The following RBFOX2 variants were observed in gnomAD, a reference collection of about 807,000 sequenced individuals.
RBFOX2 encodes RNA binding fox-1 homolog 2.
A neutral mutation model predicts 49.1 loss-of-function variants in RBFOX2; 10 were observed. That is an observed-to-expected ratio of 0.20 (90% CI 0.13 to 0.35). The LOEUF (loss-of-function observed/expected upper bound fraction) is 0.35. RBFOX2 is among the 10% of genes least tolerant of loss of function. RBFOX2 has a pLI of 1.00. For synonymous variants in RBFOX2, 183 were observed against 187.4 expected (o/e 0.98, Z 0.19); for missense variants, 323 against 486.9 (o/e 0.66, Z 3.17).
At chr22:35,839,075 A>T (rs1958228781) in intron 1 of RBFOX2, among the ~76,000 whole-genome samples, 1 of 152,214 alleles carries the variant, frequency 6.6e-6, no homozygotes, top group Admixed American at 6.5e-5. Flanking sequence ...TTAAAAGGAA[A>T]GCACTGTCCA....
chr22:35,877,953 C>T (rs1414594157), intron 1 of RBFOX2, among the ~76,000 whole-genome samples: 1 of 151,742 alleles, frequency 6.6e-6, no homozygotes, highest in Non-Finnish European at 1.5e-5. Context: ...GCAGCGAATA[C>T]ACCAGACAAA....
chr22:35,855,308 A>G (rs568944152), intron 1 of RBFOX2, among the ~76,000 whole-genome samples: 2 of 152,316 alleles, frequency 1.3e-5, no homozygotes, highest in South Asian at 4.1e-4. Context: ...CTTTTATAGT[A>G]TTAAAGTTCA....
At chr22:35,983,136 C>T (rs1197209025) in intron 1 of RBFOX2, among the ~76,000 whole-genome samples, 1 of 152,164 alleles carries the variant, frequency 6.6e-6, no homozygotes, top group Non-Finnish European at 1.5e-5. Flanking sequence ...TAGACTTCAC[C>T]TGGGTGATGA....
At chr22:35,820,258 A>G (rs1954167572) in intron 1 of RBFOX2, among the ~76,000 whole-genome samples, 1 of 152,170 alleles carries the variant, frequency 6.6e-6, no homozygotes. Flanking sequence ...AAAGGCAGGG[A>G]GCCCTGTTGG....
chr22:35,912,108 A>G (rs1404871103), intron 1 of RBFOX2, among the ~76,000 whole-genome samples: 1 of 152,238 alleles, frequency 6.6e-6, no homozygotes, highest in Non-Finnish European at 1.5e-5. Context: ...TGACTGGCAT[A>G]TAACAGGCAC....
intron 1 of RBFOX2, among the ~76,000 whole-genome samples, chr22:35,865,569 T>TA (rs1430979952): frequency 6.6e-6 from 1 of 151,814 alleles, no homozygotes; most frequent in Non-Finnish European, 1.5e-5. Context: ...TTATTATTAT[T>TA]TTTTTTTGAT....
intron 2 of RBFOX2, among the ~76,000 whole-genome samples, chr22:35,783,273 G>A (rs1945599981): frequency 1.3e-5 from 2 of 152,078 alleles, no homozygotes; most frequent in Admixed American, 6.5e-5. Flanking sequence ...TAAGCCAGTC[G>A]GAGCACCTGG....
chr22:35,926,733 T>G (rs2051686341), intron 1 of RBFOX2, among the ~76,000 whole-genome samples: 3 of 152,074 alleles, frequency 2.0e-5, no homozygotes, highest in Admixed American at 2.0e-4. Flanking sequence ...TATCCACAGA[T>G]CCACAGTAGC....
intron 1 of RBFOX2, among the ~76,000 whole-genome samples, chr22:35,931,674 C>T (rs770072432): frequency 3.3e-5 from 5 of 152,146 alleles, no homozygotes; most frequent in Non-Finnish European, 7.3e-5. Context: ...ACTCAGGAGG[C>T]TGAGGTAGGA....
intron 1 of RBFOX2, among the ~76,000 whole-genome samples, chr22:36,018,399 T>C (rs1284064540): frequency 1.3e-5 from 2 of 151,872 alleles, no homozygotes; most frequent in Non-Finnish European, 2.9e-5. Flanking sequence ...GAACTTTGGG[T>C]AGAAGGGAAA....
At chr22:35,987,401 T>C (rs1309071862) in intron 1 of RBFOX2, among the ~76,000 whole-genome samples, 1 of 152,202 alleles carries the variant, frequency 6.6e-6, no homozygotes, top group Non-Finnish European at 1.5e-5. Context: ...CAAATGCACT[T>C]AGCATGAGCT....
chr22:35,881,220 G>A (rs1408839431), intron 1 of RBFOX2, among the ~76,000 whole-genome samples: 2 of 151,926 alleles, frequency 1.3e-5, no homozygotes, highest in Non-Finnish European at 2.9e-5. Flanking sequence ...GCCGACGATC[G>A]CGCCACTGCA....
chr22:35,876,227 AT>A (rs910831856), intron 1 of RBFOX2, among the ~76,000 whole-genome samples: 25 of 152,164 alleles, frequency 1.6e-4, no homozygotes, highest in Middle Eastern at 6.8e-3. Flanking sequence ...CATTTTTAAA[AT>A]TTTTTTATTT....
At chr22:35,917,674 G>T (rs1333545851) in intron 1 of RBFOX2, among the ~76,000 whole-genome samples, 1 of 152,036 alleles carries the variant, frequency 6.6e-6, no homozygotes, top group East Asian at 1.9e-4. Context: ...TGCACGGGAG[G>T]CTGGGAGAAG....
intron 1 of RBFOX2, among the ~76,000 whole-genome samples, chr22:35,874,649 C>A (rs1050773881): frequency 1.2e-4 from 19 of 152,282 alleles, no homozygotes; most frequent in African/African-American, 4.3e-4. Context: ...ATGGGTTCAA[C>A]ATCTCTGTTT....
Position 35,868,514 on chromosome 22 carries a change from C to T in RBFOX2, c.-33-58510G>A, listed in dbSNP as rs1370996728. 2.6e-5 allele frequency among the ~76,000 whole-genome samples: 4 copies of T among 152,064 alleles called. No individual in the cohort carries two copies. The East Asian group carries it at 7.8e-4, about 29-fold the overall frequency. ...CCTGTAATCCTACCAATCTGGGAGG[C>T]CAAGGTGGGAGGACTGCTTCAGCCC... On this transcript the variant is annotated intron_variant, in intron 1 of 13. Transcript: ENST00000359369.
At chr22:36,025,609 T>C (rs552806132) in intron 1 of RBFOX2, among the ~76,000 whole-genome samples, 1 of 152,226 alleles carries the variant, frequency 6.6e-6, no homozygotes, top group African/African-American at 2.4e-5. Context: ...AGTATATTCA[T>C]GTAATACTCT....
At chr22:35,756,255 A>G (rs1331978135) in intron 9 of RBFOX2, 111 bp from the exon 11 acceptor site, 3 of 914,050 alleles carry the variant, frequency 3.3e-6, no homozygotes, top group South Asian at 3.9e-5. Context: ...CAGGTGATGT[A>G]TGAATACATA....
At chr22:35,897,760 T>C in intron 1 of RBFOX2, 1 of 769,600 alleles carries the variant, frequency 1.3e-6, no homozygotes, top group Non-Finnish European at 2.4e-6. Context: ...TGCAAAATAA[T>C]TAAGGAATCT....
Sources: allele counts gnomAD v4.1 joint callset (sites outside exome capture counted in the v4.1 genomes callset), GRCh38; gene constraint gnomAD v4.1.1; transcripts MANE v1.5; gene names NCBI Gene and HGNC (gene_info 2026-07-23, HGNC 2026-07-21).